HDAC9: variants seen among roughly 807,000 people sequenced by gnomAD.
HDAC9 encodes the protein histone deacetylase 9.
HDAC9 carries 41 observed loss-of-function variants against 139.4 expected under a neutral mutation model. The observed-to-expected ratio is 0.29, with a 90% CI of 0.23 to 0.38. HDAC9 has a LOEUF of 0.38. Ranked by LOEUF, HDAC9 falls within the 10% of genes least tolerant of loss-of-function variation. The pLI, the probability that HDAC9 is intolerant of heterozygous loss-of-function variation, is 1.00. For missense variants in HDAC9, 1,147 were observed against 1,297.0 expected (o/e 0.88, Z 1.78); for synonymous variants, 517 against 476.2 (o/e 1.09, Z -1.12).
chr7:18,894,274 C>A (rs1442663552), intron 22 of HDAC9, among the ~76,000 whole-genome samples: 1 of 152,048 alleles, frequency 6.6e-6, no homozygotes, highest in Admixed American at 6.6e-5. Flanking sequence ...ACCTAGGGAA[C>A]AAGTGTAGGT....
chr7:18,617,054 T>C (rs968841), intron 6 of HDAC9, among the ~76,000 whole-genome samples: 132,915 of 152,182 alleles, frequency 0.87, 58,129 homozygotes, highest in South Asian at 0.95. Context: ...GTGCCTAGTT[T>C]TCCTTTATTT....
chr7:18,745,696 G>A (rs1392753386), intron 13 of HDAC9, among the ~76,000 whole-genome samples: 5 of 150,996 alleles, frequency 3.3e-5, no homozygotes, highest in African/African-American at 2.4e-5. Flanking sequence ...ACAGGCGCCC[G>A]CCACCACGCC....
At chr7:18,459,953 T>C (rs1793688860) in intron 1 of HDAC9, among the ~76,000 whole-genome samples, 1 of 151,912 alleles carries the variant, frequency 6.6e-6, no homozygotes, top group Non-Finnish European at 1.5e-5. Flanking sequence ...GCTTTTTTTT[T>C]TTTTTTTCGA....
At chr7:18,906,231 G>A (rs1008488147) in intron 22 of HDAC9, among the ~76,000 whole-genome samples, 1 of 151,394 alleles carries the variant, frequency 6.6e-6, no homozygotes, top group Non-Finnish European at 1.5e-5. Context: ...TAACCTAGAC[G>A]CCTCCCAGGC....
chr7:18,487,868 T>C (rs2128132544), intron 1 of HDAC9, among the ~76,000 whole-genome samples: 1 of 152,136 alleles, frequency 6.6e-6, no homozygotes, highest in South Asian at 2.1e-4. Context: ...AAGCTCTGGG[T>C]TGACTTTTGG....
At chr7:18,689,351 C>T (rs569506068) in intron 12 of HDAC9, among the ~76,000 whole-genome samples, 13 of 151,864 alleles carry the variant, frequency 8.6e-5, no homozygotes, top group South Asian at 4.1e-4. Flanking sequence ...AATTCAGAAA[C>T]GCCCATTGGC....
At chr7:18,942,633 TAATC>T in intron 23 of HDAC9, among the ~76,000 whole-genome samples, 1 of 152,102 alleles carries the variant, frequency 6.6e-6, no homozygotes, top group East Asian at 1.9e-4. Context: ...TTTTCCCAGA[TAATC>T]AATAAACAAA....
At chr7:18,941,323 C>T (rs559955049) in intron 23 of HDAC9, among the ~76,000 whole-genome samples, 1 of 152,118 alleles carries the variant, frequency 6.6e-6, no homozygotes, top group African/African-American at 2.4e-5. Context: ...ACTTGAATTT[C>T]ACAAACAGTG....
At chr7:18,655,567 A>G (rs185114037) in intron 11 of HDAC9, among the ~76,000 whole-genome samples, 1 of 152,184 alleles carries the variant, frequency 6.6e-6, no homozygotes. Flanking sequence ...TTACAAGTTG[A>G]TGGTTTCTAA....
intron 1 of HDAC9, among the ~76,000 whole-genome samples, chr7:18,129,149 T>TG (rs1194115696): frequency 6.6e-6 from 1 of 152,194 alleles, no homozygotes; most frequent in African/African-American, 2.4e-5. Context: ...GTATGGCTAT[T>TG]GAAGAAGTCA....
chr7:18,204,679 T>C (rs1245957886), intron 2 of HDAC9, among the ~76,000 whole-genome samples: 2 of 152,046 alleles, frequency 1.3e-5, no homozygotes, highest in Admixed American at 6.6e-5. Flanking sequence ...TCTTCATGTG[T>C]CTTTAATAAT....
chr7:18,220,356 G>A (rs1023758526), intron 2 of HDAC9, among the ~76,000 whole-genome samples: 19 of 152,106 alleles, frequency 1.2e-4, no homozygotes, highest in African/African-American at 2.9e-4. Context: ...ACTGAAGACC[G>A]TGCCAAACAA....
chr7:18,939,982 C>G (rs1781913136), intron 23 of HDAC9, among the ~76,000 whole-genome samples: 1 of 152,150 alleles, frequency 6.6e-6, no homozygotes, highest in South Asian at 2.1e-4. Flanking sequence ...TATTCATGTG[C>G]AGAGGATTAG....
intron 1 of HDAC9, among the ~76,000 whole-genome samples, chr7:18,360,378 T>A (rs1783680889): frequency 6.6e-6 from 1 of 152,154 alleles, no homozygotes; most frequent in South Asian, 2.1e-4. Flanking sequence ...TTTTTCAGTA[T>A]CTTCTCCTTA....
chr7:18,982,370 A>C (rs921675710), intron 25 of HDAC9, among the ~76,000 whole-genome samples: 2 of 152,110 alleles, frequency 1.3e-5, no homozygotes, highest in Admixed American at 1.3e-4. Context: ...CATAAAGATC[A>C]TCATCTTCAA....
At chr7:18,984,250 A>G (rs1420870112) in intron 25 of HDAC9, among the ~76,000 whole-genome samples, 1 of 152,110 alleles carries the variant, frequency 6.6e-6, no homozygotes, top group Non-Finnish European at 1.5e-5. Flanking sequence ...CCATTTTGGT[A>G]GTAAAAGACG....
At chr7:18,183,409 C>T (rs555570850) in intron 2 of HDAC9, among the ~76,000 whole-genome samples, 1 of 152,210 alleles carries the variant, frequency 6.6e-6, no homozygotes, top group South Asian at 2.1e-4. Flanking sequence ...ATTCTACATA[C>T]ATAATAATTA....
At chr7:18,699,623 C>A (rs1783314119) in intron 12 of HDAC9, among the ~76,000 whole-genome samples, 1 of 152,080 alleles carries the variant, frequency 6.6e-6, no homozygotes, top group Non-Finnish European at 1.5e-5. Context: ...ATAGTGAACA[C>A]CCTCCCAATT....
Position 18,495,876 on chromosome 7 carries a change from C to T in HDAC9, c.-189C>T. ...CCAGGTTTAATTGGTTTCTTTTTCT[C>T]GTGGGTAGACTTAATAATTTTCTAC... On this transcript the variant is annotated 5_prime_UTR_variant, in exon 1 of 26. Transcript: ENST00000686413. 1 of 1,114,964 alleles carries T rather than the reference C, an allele frequency of 9.0e-7. No individual in the cohort carries two copies. The highest frequency in any genetic ancestry group is 1.1e-6 in the Non-Finnish European group (1 of 914,554). 69.1% of individuals were successfully genotyped at this position (1,114,964 alleles called of 1,614,324 possible).
Sources: gnomAD v4.1 joint callset for allele counts (sites outside exome capture counted in the v4.1 genomes callset) on GRCh38, gnomAD v4.1.1 for gene constraint, MANE v1.5 for transcripts, NCBI Gene and HGNC (gene_info 2026-07-23, HGNC 2026-07-21) for gene names.